The following CEP83 variants were observed in gnomAD, a reference collection of about 807,000 sequenced individuals.
The protein encoded by CEP83 is centrosomal protein of 83 kDa.
Under a neutral mutation model 101.9 loss-of-function variants are expected in CEP83, and 70 were observed. The ratio of observed to expected loss-of-function variants is 0.69; its 90% CI spans 0.57 to 0.84. The LOEUF is 0.84. Among genes scored for constraint, CEP83 ranks in the 40% least tolerant of loss-of-function variants. CEP83 has a pLI of 0.00. For missense variants in CEP83, 715 were observed against 787.2 expected (o/e 0.91, Z 1.10); for synonymous variants, 264 against 267.9 (o/e 0.99, Z 0.14).
chr12:94,274,616 C>G, the CEP83 span, among the ~76,000 whole-genome samples: 2 of 152,222 alleles, frequency 1.3e-5, no homozygotes, highest in African/African-American at 2.4e-5. Context: ...GGGGAAGGGA[C>G]CAGTGTACAT....
At chr12:94,327,112 G>A (rs1193490130) in intron 14 of CEP83, among the ~76,000 whole-genome samples, 1 of 152,158 alleles carries the variant, frequency 6.6e-6, no homozygotes, top group Non-Finnish European at 1.5e-5. Flanking sequence ...TTAGTGGAAA[G>A]GAATGATTCT....
intron 6 of CEP83, among the ~76,000 whole-genome samples, chr12:94,382,905 G>A (rs759843607): frequency 1.3e-5 from 2 of 152,078 alleles, no homozygotes; most frequent in South Asian, 2.1e-4. Flanking sequence ...GTGTTATTGC[G>A]TTCTTATTTA....
chr12:94,282,124 A>T, the CEP83 span: 2 of 528,164 alleles, frequency 3.8e-6, no homozygotes, highest in Non-Finnish European at 6.6e-6. Flanking sequence ...CCCTAAACAA[A>T]CAAACAAAGT....
chr12:94,291,967 T>C, the CEP83 span, among the ~76,000 whole-genome samples: 4 of 152,202 alleles, frequency 2.6e-5, no homozygotes, highest in African/African-American at 9.7e-5. Flanking sequence ...ACACTTCATA[T>C]CAATAGGACC....
At chr12:94,416,282 G>A (rs966052127) in intron 2 of CEP83, among the ~76,000 whole-genome samples, 2 of 152,000 alleles carry the variant, frequency 1.3e-5, no homozygotes, top group Admixed American at 1.3e-4. Flanking sequence ...TATGACAAAC[G>A]TAAGACTCTG....
At chr12:94,314,729 G>A (rs532797660) in intron 14 of CEP83, among the ~76,000 whole-genome samples, 1 of 152,210 alleles carries the variant, frequency 6.6e-6, no homozygotes, top group South Asian at 2.1e-4. Context: ...GCTTCCTTAT[G>A]CTCCTGTCTA....
intron 6 of CEP83, among the ~76,000 whole-genome samples, chr12:94,387,003 T>C (rs2062187566): frequency 1.3e-5 from 2 of 152,086 alleles, no homozygotes; most frequent in Admixed American, 1.3e-4. Context: ...AAACAAACAA[T>C]GGGGAAAGGA....
chr12:94,331,498 C>G (rs2059218964), intron 14 of CEP83, among the ~76,000 whole-genome samples: 1 of 150,486 alleles, frequency 6.6e-6, no homozygotes, highest in African/African-American at 2.4e-5. Context: ...TCCCGAGTAG[C>G]TGGGGCTACA....
chr12:94,388,707 T>G (rs942003781), intron 6 of CEP83, among the ~76,000 whole-genome samples: 8 of 152,258 alleles, frequency 5.3e-5, no homozygotes, highest in African/African-American at 1.7e-4. Flanking sequence ...ATTTGTGCTT[T>G]TGATGAAAAT....
At chr12:94,368,278 CA>C in intron 9 of CEP83, 77 bp from the exon 10 acceptor site, 1 of 1,092,588 alleles carries the variant, frequency 9.2e-7, no homozygotes, top group Non-Finnish European at 1.3e-6. Context: ...AGCAAGCATT[CA>C]TAAGCTGGTA....
the CEP83 span, among the ~76,000 whole-genome samples, chr12:94,275,787 G>A: frequency 1.4e-4 from 12 of 87,052 alleles, 3 homozygotes; most frequent in East Asian, 3.2e-4. Flanking sequence ...CCCGGGAGGC[G>A]GAGCTTGCAG....
the CEP83 span, among the ~76,000 whole-genome samples, chr12:94,292,906 G>A: frequency 3.9e-5 from 6 of 152,168 alleles, no homozygotes. Flanking sequence ...AATTATAAGC[G>A]TACTGCTGGA....
chr12:94,283,936 A>C, the CEP83 span, among the ~76,000 whole-genome samples: 1 of 152,086 alleles, frequency 6.6e-6, no homozygotes, highest in African/African-American at 2.4e-5. Flanking sequence ...CAAAAAAATT[A>C]GCCGGGCATG....
At chr12:94,387,646 A>G (rs901339212) in intron 6 of CEP83, among the ~76,000 whole-genome samples, 1 of 152,220 alleles carries the variant, frequency 6.6e-6, no homozygotes, top group African/African-American at 2.4e-5. Context: ...GTAAACAGAC[A>G]ACCCACAGAA....
the CEP83 span, among the ~76,000 whole-genome samples, chr12:94,268,612 T>A: frequency 8.6e-3 from 1,123 of 130,628 alleles, 12 homozygotes; most frequent in African/African-American, 0.03. Context: ...TTTTTTTTTT[T>A]AATTTAAGGA....
chr12:94,433,086 C>T (rs2065759965), intron 2 of CEP83, among the ~76,000 whole-genome samples: 1 of 151,950 alleles, frequency 6.6e-6, no homozygotes, highest in African/African-American at 2.4e-5. Context: ...TGGTGGAGGG[C>T]AGAGGAGAGG....
intron 6 of CEP83, among the ~76,000 whole-genome samples, chr12:94,388,170 A>G (rs1400449835): frequency 6.6e-6 from 1 of 152,254 alleles, no homozygotes; most frequent in African/African-American, 2.4e-5. Flanking sequence ...AAAACATGGA[A>G]TCAACCTGGG....
chr12:94,356,738 C>T (rs1333510503), intron 11 of CEP83, among the ~76,000 whole-genome samples: 1 of 152,192 alleles, frequency 6.6e-6, no homozygotes, highest in Non-Finnish European at 1.5e-5. Context: ...TCGGATGATT[C>T]CTACTGACTG....
chr12:94,276,521 G>A, the CEP83 span, among the ~76,000 whole-genome samples: 3 of 152,242 alleles, frequency 2.0e-5, no homozygotes, highest in African/African-American at 7.2e-5. Flanking sequence ...GCATAGCCGA[G>A]GGGTTTGTGG....
Sources: gnomAD v4.1 joint callset for allele counts (sites outside exome capture counted in the v4.1 genomes callset) on GRCh38, gnomAD v4.1.1 for gene constraint, MANE v1.5 for transcripts, NCBI Gene and HGNC (gene_info 2026-07-23, HGNC 2026-07-21) for gene names.